Variants in PLXNA2 observed in about 807,000 individuals in gnomAD.
PLXNA2 encodes plexin-A2.
In PLXNA2, 91 loss-of-function variants were observed where a neutral mutation model predicts 193.5. The ratio of observed to expected loss-of-function variants is 0.47; its 90% confidence interval spans 0.40 to 0.56. The LOEUF is 0.56. PLXNA2 is among the 20% of genes least tolerant of loss of function. The pLI is 0.00. For synonymous variants in PLXNA2, 997 were observed against 1,027.3 expected (o/e 0.97, Z 0.56); for missense variants, 1,995 against 2,503.2 (o/e 0.80, Z 4.33).
chr1:208,139,771 G>C (rs2102480227), intron 4 of PLXNA2, among the ~76,000 whole-genome samples: 1 of 152,298 alleles, frequency 6.6e-6, no homozygotes, highest in South Asian at 2.1e-4. Context: ...TGCTTCCTTG[G>C]AGACATCTGA....
chr1:208,122,608 A>C (rs1667839223), intron 4 of PLXNA2, among the ~76,000 whole-genome samples: 1 of 152,144 alleles, frequency 6.6e-6, no homozygotes, highest in Non-Finnish European at 1.5e-5. Context: ...TCAGCTTCCT[A>C]GGGTTAAGGA....
intron 13 of PLXNA2, 65 bp from the exon 14 acceptor site, chr1:208,054,603 C>T (rs560497329): frequency 4.5e-6 from 5 of 1,116,996 alleles, no homozygotes. Context: ...TTCACTTGCT[C>T]TCCCAGTCAT....
At chr1:208,168,729 T>TTTG (rs1328554395) in intron 3 of PLXNA2, among the ~76,000 whole-genome samples, 1 of 135,662 alleles carries the variant, frequency 7.4e-6, no homozygotes, top group East Asian at 2.2e-4. Flanking sequence ...GCGGGGTTTT[T>TTTG]TTTTTTTTTT....
chr1:208,170,964 G>A (rs1028366652), intron 3 of PLXNA2, among the ~76,000 whole-genome samples: 1 of 152,222 alleles, frequency 6.6e-6, no homozygotes, highest in Non-Finnish European at 1.5e-5. Flanking sequence ...GAATATTATA[G>A]AGGATGGTCT....
chr1:208,040,188 C>T (rs1387800391), intron 22 of PLXNA2, 130 bp from the exon 23 acceptor site: 2 of 712,676 alleles, frequency 2.8e-6, no homozygotes, highest in African/African-American at 3.5e-5. Context: ...GTCAGGACAC[C>T]TGGGTCCCAG....
chr1:208,062,256 G>A (rs913378217), intron 12 of PLXNA2, among the ~76,000 whole-genome samples: 7 of 152,108 alleles, frequency 4.6e-5, no homozygotes, highest in African/African-American at 1.7e-4. Flanking sequence ...TGGAGATGAT[G>A]GATGAGTACA....
intron 15 of PLXNA2, 59 bp from the exon 16 acceptor site, chr1:208,051,482 C>A: frequency 6.9e-7 from 1 of 1,443,646 alleles, no homozygotes; most frequent in Non-Finnish European, 9.5e-7. Context: ...GAGGTGCCCA[C>A]TGGCTTGACA....
intron 5 of PLXNA2, 110 bp from the exon 6 acceptor site, chr1:208,099,079 C>T: frequency 7.3e-7 from 1 of 1,371,626 alleles, no homozygotes; most frequent in South Asian, 1.4e-5. Flanking sequence ...TGTGTCCTGT[C>T]TTCTCAAGAA....
At chr1:208,206,204 G>A (rs560767167) in intron 3 of PLXNA2, among the ~76,000 whole-genome samples, 4 of 152,260 alleles carry the variant, frequency 2.6e-5, no homozygotes, top group African/African-American at 4.8e-5. Flanking sequence ...TTCCCACATC[G>A]ATCCAGCTCT....
At chr1:208,102,790 C>A (rs1667137812) in intron 5 of PLXNA2, among the ~76,000 whole-genome samples, 2 of 152,170 alleles carry the variant, frequency 1.3e-5, no homozygotes, top group African/African-American at 2.4e-5. Flanking sequence ...ACACTCTTGG[C>A]ACAGAGGGGC....
intron 4 of PLXNA2, among the ~76,000 whole-genome samples, chr1:208,136,319 G>A (rs1265051764): frequency 1.3e-5 from 2 of 152,230 alleles, no homozygotes; most frequent in Non-Finnish European, 2.9e-5. Context: ...TTGTTACAAA[G>A]CAGTAAATAA....
intron 29 of PLXNA2, 163 bp from the exon 30 acceptor site, chr1:208,029,205 T>C (rs1664427577): frequency 6.3e-5 from 90 of 1,438,146 alleles, no homozygotes; most frequent in Non-Finnish European, 8.1e-5. Flanking sequence ...GCCAAAGCTG[T>C]TACTGACCTG....
chr1:208,191,594 G>A (rs899170083), intron 3 of PLXNA2, among the ~76,000 whole-genome samples: 37 of 152,152 alleles, frequency 2.4e-4, no homozygotes, highest in African/African-American at 8.9e-4. Flanking sequence ...ATGAGCCTGG[G>A]AGGCAGAAAT....
At chr1:208,208,152 C>T (rs1306606624) in intron 3 of PLXNA2, among the ~76,000 whole-genome samples, 1 of 152,192 alleles carries the variant, frequency 6.6e-6, no homozygotes, top group African/African-American at 2.4e-5. Flanking sequence ...TGGTTGGGTC[C>T]CTTTTCCTTT....
At chr1:208,228,231 T>A (rs1671572249) in intron 1 of PLXNA2, among the ~76,000 whole-genome samples, 1 of 152,152 alleles carries the variant, frequency 6.6e-6, no homozygotes, top group South Asian at 2.1e-4. Flanking sequence ...ACTGAAGTGC[T>A]CTAGGGACAA....
intron 26 of PLXNA2, among the ~76,000 whole-genome samples, chr1:208,035,882 G>A (rs1284596148): frequency 1.3e-5 from 2 of 152,196 alleles, no homozygotes; most frequent in East Asian, 3.8e-4. Context: ...GGTTTTAGTG[G>A]TGGTGTTTAA....
chr1:208,200,502 G>A (rs1433228466), intron 3 of PLXNA2, among the ~76,000 whole-genome samples: 4 of 150,570 alleles, frequency 2.7e-5, no homozygotes, highest in African/African-American at 7.3e-5. Context: ...TTTACAACTT[G>A]ACCCCAAGTA....
intron 15 of PLXNA2, among the ~76,000 whole-genome samples, chr1:208,052,042 T>C (rs1314994716): frequency 2.0e-5 from 3 of 152,210 alleles, no homozygotes; most frequent in Non-Finnish European, 4.4e-5. Flanking sequence ...AATGAATGCT[T>C]GATCCTAGTG....
intron 3 of PLXNA2, among the ~76,000 whole-genome samples, chr1:208,170,797 C>T (rs570632314): frequency 5.3e-5 from 8 of 151,828 alleles, no homozygotes; most frequent in African/African-American, 1.5e-4. Context: ...TAAGTGCCTC[C>T]GGAGTGATAA....
Sources: gnomAD v4.1 joint callset for allele counts (sites outside exome capture counted in the v4.1 genomes callset) on GRCh38, gnomAD v4.1.1 for gene constraint, MANE v1.5 for transcripts, NCBI Gene and HGNC (gene_info 2026-07-23, HGNC 2026-07-21) for gene names.